PAK4: variants seen among roughly 807,000 people sequenced by gnomAD.
PAK4 encodes the protein p21 (RAC1) activated kinase 4, also known as serine/threonine-protein kinase PAK 4.
Under a neutral mutation model 53.5 loss-of-function variants are expected in PAK4, and 49 were observed. The ratio of observed to expected loss-of-function variants is 0.92; its 90% CI spans 0.73 to 1.16. The LOEUF is 1.16. PAK4 is among the 50% of genes most tolerant of loss of function. The pLI is 0.00. For missense variants in PAK4, 824 were observed against 850.7 expected (o/e 0.97, Z 0.39); for synonymous variants, 376 against 375.6 (o/e 1.00, Z -0.01).
intron 1 of PAK4, among the ~76,000 whole-genome samples, chr19:39,143,338 C>T (rs1331262154): frequency 6.7e-6 from 1 of 149,944 alleles, no homozygotes; most frequent in African/African-American, 2.4e-5. Flanking sequence ...CGCCTGTAAT[C>T]CCAGCACTTT....
intron 1 of PAK4, among the ~76,000 whole-genome samples, chr19:39,139,357 G>A (rs2073873424): frequency 6.6e-6 from 1 of 152,306 alleles, no homozygotes; most frequent in African/African-American, 2.4e-5. Flanking sequence ...AGCTGGGCCA[G>A]TGTCGGGGTA....
Position 39,138,522 on chromosome 19 carries a change from C to T in PAK4, c.-23+12603C>T, listed in dbSNP as rs571695708. The stretch of plus-strand genomic sequence containing the variant: ...TTCTCGTTCATACTTTTCCAGCCGA[C>T]GCCTTGCCCACCTCTTGTGGGGTTT... On this transcript the variant is annotated intron_variant, in intron 1 of 8. Coordinates refer to ENST00000358301, the Ensembl canonical transcript of PAK4. Among the ~76,000 whole-genome samples the T allele has an allele frequency of 1.5e-3, 231 of 152,338 alleles. 1 individual carries two copies. The highest frequency in any genetic ancestry group is 9.6e-4 in the East Asian group (5 of 5,182).
intron 1 of PAK4, among the ~76,000 whole-genome samples, chr19:39,148,232 G>A (rs903193752): frequency 3.3e-5 from 5 of 151,732 alleles, no homozygotes; most frequent in Admixed American, 6.6e-5. Flanking sequence ...GATTACAGGC[G>A]TGAGCCACCG....
chr19:39,167,136 G>A (rs1288594417), intron 1 of PAK4, among the ~76,000 whole-genome samples: 2 of 152,204 alleles, frequency 1.3e-5, no homozygotes, highest in African/African-American at 2.4e-5. Context: ...GGTCTGCCCC[G>A]CTGTCCGCCC....
chr19:39,126,466 G>GGGGGGA (rs201735012), intron 1 of PAK4, among the ~76,000 whole-genome samples: 1 of 111,854 alleles, frequency 8.9e-6, no homozygotes, highest in Admixed American at 9.8e-5. Context: ...GGGGGGCCGG[G>GGGGGGA]TCAGAGATGC....
chr19:39,146,152 G>C (rs2073995542), intron 1 of PAK4, among the ~76,000 whole-genome samples: 2 of 152,218 alleles, frequency 1.3e-5, no homozygotes, highest in Non-Finnish European at 2.9e-5. Context: ...TGCCTCCTCT[G>C]AGTCCAGCCC....
chr19:39,174,957 C>A, exon 5 of PAK4: 1 of 1,613,872 alleles, frequency 6.2e-7, no homozygotes. Flanking sequence ...ACTACCAGCA[C>A]GAGAATGTGG....
intron 1 of PAK4, among the ~76,000 whole-genome samples, chr19:39,144,764 G>A (rs974655718): frequency 1.4e-5 from 2 of 146,032 alleles, no homozygotes; most frequent in Non-Finnish European, 3.1e-5. Flanking sequence ...GCTTTGGGAA[G>A]TGTGCATGTG....
chr19:39,178,306 C>T lies in PAK4; in HGVS notation c.1621-118C>T. 1 of 1,068,468 alleles carries T rather than the reference C, an allele frequency of 9.4e-7. No homozygotes were observed. The highest frequency in any genetic ancestry group is 2.4e-5 in the Admixed American group (1 of 41,284). 66.2% of individuals were successfully genotyped at this position (1,068,468 alleles called of 1,614,324 possible). On this transcript the variant is annotated intron_variant, in intron 8 of 8. Coordinates refer to ENST00000358301, the Ensembl canonical transcript of PAK4. The surrounding 1 kb of genome is among the most constrained non-coding windows in gnomAD (Gnocchi z 4.4). ...GATCTAGACACCCATGACCTCCGCC[C>T]CCTGCCCTCCTGCACAGTACATGCC...
chr19:39,167,360 C>G (rs1448378236), intron 1 of PAK4, among the ~76,000 whole-genome samples: 1 of 152,164 alleles, frequency 6.6e-6, no homozygotes, highest in Non-Finnish European at 1.5e-5. Context: ...TGACAGCAGG[C>G]AGAGTGGGCA....
intron 1 of PAK4, among the ~76,000 whole-genome samples, chr19:39,155,752 C>T (rs1409288391): frequency 6.6e-6 from 1 of 152,154 alleles, no homozygotes; most frequent in African/African-American, 2.4e-5. Flanking sequence ...GCCTGGGAGT[C>T]CCAGCGCCTG....
rs1045562 is a variant in PAK4, at chr19:39,173,145, G to A, written c.432G>A (p.Ala144=). Reference sequence around the variant, plus strand: ...GCCGGTTCGCCGGTCACAGCGAGGCGGGTGGCGGCAGTGGTGACAGGCGAC... The same window carrying A: ...GCCGGTTCGCCGGTCACAGCGAGGCAGGTGGCGGCAGTGGTGACAGGCGAC... Residue 144 remains alanine, a synonymous_variant, in exon 3 of 9, where the codon GCG becomes GCA. Transcript: ENST00000358301. The surrounding 1 kb of genome is among the most constrained non-coding windows in gnomAD (Gnocchi z 6.9). 1.3e-3 allele frequency: 1,933 copies of A among 1,543,070 alleles called. 34 individuals are homozygous for A. In the African/African-American group the frequency reaches 0.023, roughly 19 times the overall value.
chr19:39,166,178 C>T (rs1327423896), intron 1 of PAK4, among the ~76,000 whole-genome samples: 1 of 152,230 alleles, frequency 6.6e-6, no homozygotes, highest in Admixed American at 6.5e-5. Flanking sequence ...TCCAGGAAGG[C>T]CAGGCGCAGG....
At chr19:39,132,157 G>A (rs1244951106) in intron 1 of PAK4, among the ~76,000 whole-genome samples, 2 of 152,234 alleles carry the variant, frequency 1.3e-5, no homozygotes, top group Non-Finnish European at 2.9e-5. Context: ...TGTACCCAGA[G>A]ACCCTGAGGA....
At position 39,175,146 on chromosome 19, in the gene PAK4, C is replaced by G; in HGVS notation, c.1232+82C>G. The G allele has an allele frequency of 6.5e-7, 1 of 1,530,152 alleles. No individual in the cohort carries two copies. Among genetic ancestry groups the G allele is most frequent in the Non-Finnish European group, 8.9e-7 (1 of 1,127,796 alleles). 94.8% of individuals were successfully genotyped at this position (1,530,152 alleles called of 1,614,324 possible). On this transcript the variant is annotated intron_variant, in intron 5 of 8. Coordinates refer to ENST00000358301, the Ensembl canonical transcript of PAK4. The surrounding 1 kb of genome is among the most constrained non-coding windows in gnomAD (Gnocchi z 4.7). ...TAGGGGTGGGGCCACATCTCCAAAC[C>G]AGCTGTGCTCCGGGCCCCTGGGATG...
intron 1 of PAK4, among the ~76,000 whole-genome samples, chr19:39,133,297 G>A (rs528950401): frequency 6.6e-6 from 1 of 152,330 alleles, no homozygotes; most frequent in South Asian, 2.1e-4. Context: ...ACTGTTAGCT[G>A]CGTTACTAAT....
At chr19:39,135,740 C>G (rs1167067888) in intron 1 of PAK4, among the ~76,000 whole-genome samples, 1 of 152,050 alleles carries the variant, frequency 6.6e-6, no homozygotes, top group Non-Finnish European at 1.5e-5. Context: ...GAACACAGAC[C>G]TCGACTGCAG....
chr19:39,180,438 C>G (rs1022172451), downstream of PAK4: 1 of 151,350 alleles, frequency 6.6e-6, no homozygotes. Context: ...AATGCACTTT[C>G]AAATGAGATT....
Position 39,174,045 on chromosome 19 carries a change from C to T in PAK4, c.1098+35C>T, listed in dbSNP as rs1403950443. 1.2e-5 allele frequency: 16 copies of T among 1,312,076 alleles called. No individual in the cohort carries two copies. In the African/African-American group the frequency reaches 2.1e-4, roughly 17 times the overall value. 81.3% of individuals were successfully genotyped at this position (1,312,076 alleles called of 1,614,324 possible). ...CTGCTGCCCTGCCGCCCTGCTGGTC[C>T]TCCCACCCCTCCCTCCCACCCTCCC... On this transcript the variant is annotated intron_variant, in intron 4 of 8. Transcript: ENST00000358301.
Sources: gnomAD v4.1 joint callset for allele counts (sites outside exome capture counted in the v4.1 genomes callset) on GRCh38, gnomAD v4.1.1 for gene constraint, Gnocchi (gnomAD v3.1) non-coding constraint, MANE v1.5 for transcripts, NCBI Gene and HGNC (gene_info 2026-07-23, HGNC 2026-07-21) for gene names.